SCAMP4: variants seen among roughly 807,000 people sequenced by gnomAD.
SCAMP4 encodes secretory carrier-associated membrane protein 4.
SCAMP4 carries 19 observed loss-of-function variants against 32.1 expected under a neutral mutation model. The observed-to-expected ratio is 0.59, with a 90% confidence interval of 0.41 to 0.87. The LOEUF is 0.87. Ranked by LOEUF, SCAMP4 falls within the 40% of genes least tolerant of loss-of-function variation. The probability of loss-of-function intolerance (pLI) is 0.00; values close to 1 mark genes in which losing one functional copy is unlikely to be tolerated. For synonymous variants in SCAMP4, 152 were observed against 132.7 expected, an observed-to-expected ratio of 1.15 and a Z score of -1.00; for missense variants, 302 against 309.0, an observed-to-expected ratio of 0.98 and a Z score of 0.17.
rs765488386 is a variant in SCAMP4, at chr19:1,924,682, G to T, written c.*398G>T. ...AGCTGCTGGCGCTGAGGTCAGAGCG[G>T]GTCTGATGGGGAGCTCCGTCTCACC... On this transcript the variant is annotated 3_prime_UTR_variant, in exon 7 of 7. Transcript: ENST00000316097. 9.3e-6 allele frequency: 2 copies of T among 215,780 alleles called. No individual in the cohort carries two copies. Among genetic ancestry groups the T allele is most frequent in the Non-Finnish European group, 1.9e-5 (2 of 103,220 alleles). 13.4% of individuals were successfully genotyped at this position (215,780 alleles called of 1,614,324 possible).
At chr19:1,919,867 T>C (rs1034284884) in intron 5 of SCAMP4, among the ~76,000 whole-genome samples, 1 of 150,706 alleles carries the variant, frequency 6.6e-6, no homozygotes. Flanking sequence ...TGGGGTGCAG[T>C]GACATGATCT....
At position 1,913,116 on chromosome 19, in the gene SCAMP4, G is replaced by C. The variant is rs200437566; in HGVS notation, c.-41-1863G>C. The C allele has an allele frequency of 4.2e-4, 662 of 1,587,138 alleles. 3 individuals are homozygous for C. The highest frequency in any genetic ancestry group is 6.5e-4 in the South Asian group (58 of 89,216). ...CTTCCAGGTGTTCCGCGGGGTGCTG[G>C]AGGAGCAGTGCCGCTGGCTGGACCC... On this transcript the variant is annotated intron_variant, in intron 1 of 6. Coordinates refer to ENST00000316097, the MANE Select transcript of SCAMP4 (RefSeq NM_079834.4).
chr19:1,906,050 CAG>C (rs1299339575), intron 1 of SCAMP4: 2 of 152,244 alleles, frequency 1.3e-5, no homozygotes, highest in East Asian at 1.9e-4. Flanking sequence ...TGGCCAGAAA[CAG>C]AGGATCGACT....
intron 1 of SCAMP4, chr19:1,912,665 G>A: frequency 7.0e-7 from 1 of 1,436,100 alleles, no homozygotes; most frequent in Non-Finnish European, 9.0e-7. Flanking sequence ...CAGCAGCGCG[G>A]GGCTTGCGGG....
At position 1,908,514 on chromosome 19, in the gene SCAMP4, A is replaced by C. The variant is rs750587045; in HGVS notation, c.-42+3075A>C. On this transcript the variant is annotated intron_variant, in intron 1 of 6. Transcript: ENST00000316097. The surrounding 1 kb of genome is among the most constrained non-coding windows in gnomAD (Gnocchi z 4.2). ...GGAGGAGCCGTCCATACCAGCGGGG[A>C]TGTGTAGTCCAGGCTGGCAGTTCAG... 17 of 470,898 alleles carry C rather than the reference A, an allele frequency of 3.6e-5. No individual in the cohort carries two copies. The highest frequency in any genetic ancestry group is 6.6e-5 in the Non-Finnish European group (15 of 227,016). The allele number at this position is 470,898 out of a possible 1,614,324, so 29.2% of individuals were successfully genotyped here.
chr19:1,914,714 G>A (rs2013669848), intron 1 of SCAMP4, among the ~76,000 whole-genome samples: 1 of 152,228 alleles, frequency 6.6e-6, no homozygotes, highest in East Asian at 1.9e-4. Flanking sequence ...GCGGGGAAGG[G>A]GCATCCTGGC....
chr19:1,920,175 G>GT (rs1387963664), intron 5 of SCAMP4: 6 of 985,334 alleles, frequency 6.1e-6, no homozygotes, highest in Non-Finnish European at 7.2e-6. Context: ...GTTGCAGAGA[G>GT]TGACTGTTCT....
Position 1,924,848 on chromosome 19 carries a change from G to A in SCAMP4, c.*564G>A, listed in dbSNP as rs183804350. On this transcript the variant is annotated 3_prime_UTR_variant, in exon 7 of 7. Transcript: ENST00000316097. The stretch of plus-strand genomic sequence containing the variant: ...GTCCCCGCCATCCCCTGATCTGTGC[G>A]GCTCCAGCCTCGCCCCCTCCCCACG... The A allele has an allele frequency of 1.4e-3, 229 of 158,248 alleles. 1 individual carries two copies. Among genetic ancestry groups the A allele is most frequent in the Non-Finnish European group, 2.7e-3 (190 of 71,060 alleles). 9.8% of individuals were successfully genotyped at this position (158,248 alleles called of 1,614,324 possible). A position where few individuals can be genotyped will look rare whatever the true frequency, so the allele number is the denominator to read the frequency against.
Position 1,918,242 on chromosome 19 carries a change from C to T in SCAMP4, c.252C>T (p.Cys84=), listed in dbSNP as rs747024283. Residue 84 remains cysteine (C), a synonymous_variant, in exon 4 of 7, where the codon TGC becomes TGT. Transcript: ENST00000316097. ...TGTGGCTGCTCCTGTTCACGCCTTG[C>T]GGCTACGTGTGCTGGTTCCGGCCTG... ...AFVWLLLFTP[C]GYVCWFRPVY... is the part of the protein sequence containing the mutation. 120 of 1,609,090 alleles carry T rather than the reference C, an allele frequency of 7.5e-5. No individual in the cohort carries two copies. Among genetic ancestry groups the T allele is most frequent in the South Asian group, 6.7e-4 (61 of 90,934 alleles).
intron 5 of SCAMP4, chr19:1,921,473 G>A: frequency 9.1e-6 from 9 of 985,442 alleles, no homozygotes; most frequent in Non-Finnish European, 9.6e-6. Flanking sequence ...GGCCCCGCCA[G>A]GAATCGGACA....
chr19:1,919,022 T>C (rs780664398), intron 5 of SCAMP4, 32 bp downstream of exon 5: 4 of 1,578,386 alleles, frequency 2.5e-6, no homozygotes, highest in Non-Finnish European at 3.4e-6. Context: ...GTGGTGGCTG[T>C]GATGTGGCTC....
At chr19:1,923,413 C>T (rs553137738) in intron 6 of SCAMP4, among the ~76,000 whole-genome samples, 2 of 152,244 alleles carry the variant, frequency 1.3e-5, no homozygotes, top group South Asian at 2.1e-4. Flanking sequence ...AGTCCTGTGG[C>T]CCCCTGGGCC....
intron 6 of SCAMP4, among the ~76,000 whole-genome samples, chr19:1,923,659 C>T (rs1482347393): frequency 1.5e-5 from 2 of 129,844 alleles, no homozygotes; most frequent in Non-Finnish European, 3.1e-5. Context: ...CGCTCTGTCA[C>T]CCAGGCTGGA....
At chr19:1,912,046 GGATGATCCTCT>G (rs1160627063) in intron 1 of SCAMP4, 7 of 1,418,302 alleles carry the variant, frequency 4.9e-6, no homozygotes, top group Non-Finnish European at 6.4e-6. Context: ...CGCAGCCGCC[GGATGATCCTCT>G]GCTCCCGTCT....
intron 1 of SCAMP4, chr19:1,912,714 G>T (rs757333098): frequency 6.6e-6 from 10 of 1,514,778 alleles, no homozygotes; most frequent in Non-Finnish European, 8.8e-6. Flanking sequence ...CTCGGACCGC[G>T]TGCTGGCCAC....
chr19:1,917,946 T>C, intron 3 of SCAMP4, 124 bp downstream of exon 3: 2 of 1,414,472 alleles, frequency 1.4e-6, no homozygotes, highest in Non-Finnish European at 1.9e-6. Flanking sequence ...CTGGGCCTGG[T>C]GGTCCCTGCG....
At chr19:1,914,750 G>A (rs550998642) in intron 1 of SCAMP4, among the ~76,000 whole-genome samples, 6 of 152,272 alleles carry the variant, frequency 3.9e-5, no homozygotes, top group African/African-American at 9.6e-5. Flanking sequence ...GAGGGGCTGC[G>A]GCCAGCCCTG....
chr19:1,925,437 G>A lies in SCAMP4; in HGVS notation c.*1153G>A, dbSNP rs1277912073. 1 of 152,588 alleles carries A rather than the reference G, an allele frequency of 6.6e-6. No homozygotes were observed. 9.5% of individuals were successfully genotyped at this position (152,588 alleles called of 1,614,324 possible). On this transcript the variant is annotated 3_prime_UTR_variant, in exon 7 of 7. Coordinates refer to ENST00000316097, the MANE Select transcript of SCAMP4 (RefSeq NM_079834.4). ...ATGAGAGGGGACCCGTCAAATCTGT[G>A]CCTTATGGAGGGGTCCGGCAGCGGC...
At chr19:1,919,189 C>G in intron 5 of SCAMP4, 199 bp downstream of exon 5, 1 of 1,421,374 alleles carries the variant, frequency 7.0e-7, no homozygotes, top group Non-Finnish European at 9.2e-7. Flanking sequence ...AGCCATGGTT[C>G]GCGATTGTAG....
Sources: gnomAD v4.1 joint callset for allele counts (sites outside exome capture counted in the v4.1 genomes callset) on GRCh38, gnomAD v4.1.1 for gene constraint, Gnocchi (gnomAD v3.1) non-coding constraint, MANE v1.5 for transcripts, NCBI Gene and HGNC (gene_info 2026-07-23, HGNC 2026-07-21) for gene names.